ACTN3: variants seen among roughly 807,000 people sequenced by gnomAD.
ACTN3 encodes alpha-actinin-3.
Under a neutral mutation model 119.6 loss-of-function variants are expected in ACTN3, and 91 were observed. That is an observed-to-expected ratio of 0.76 (90% CI 0.64 to 0.91). The LOEUF is 0.91. ACTN3 is among the 40% of genes least tolerant of loss of function. The probability of loss-of-function intolerance (pLI) is 0.00; values close to 1 mark genes in which losing one functional copy is unlikely to be tolerated. For missense variants in ACTN3, 1,221 were observed against 1,215.1 expected (o/e 1.00, Z -0.07); for synonymous variants, 456 against 478.8 (o/e 0.95, Z 0.62).
At chr11:66,558,368 C>A in intron 11 of ACTN3, 194 bp downstream of exon 11, 2 of 285,036 alleles carry the variant, frequency 7.0e-6, no homozygotes, top group Non-Finnish European at 1.1e-5. Flanking sequence ...CACTGCCCCT[C>A]TGTGGACCAC....
At chr11:66,546,899 G>C (rs1446706366), upstream of ACTN3, 1 of 1,521,678 alleles carries the variant, frequency 6.6e-7, no homozygotes, top group African/African-American at 1.4e-5. Context: ...GGGTGTCCGA[G>C]AGCGTGCCGA....
chr11:66,559,420 C>CCCCCGG (rs761797515), intron 12 of ACTN3, 34 bp downstream of exon 12: 5 of 1,432,226 alleles, frequency 3.5e-6, no homozygotes, highest in South Asian at 1.5e-5. Context: ...GCCCCCAACA[C>CCCCCGG]CCCCGGCCCC....
At position 66,555,364 on chromosome 11, in the gene ACTN3, G is replaced by A. The variant is rs1248055016; in HGVS notation, c.715G>A (p.Glu239Lys). 3 of 1,614,116 alleles carry A rather than the reference G, an allele frequency of 1.9e-6. 1 individual carries two copies. The highest frequency in any genetic ancestry group is 2.2e-5 in the South Asian group (2 of 91,080). Residue 239 changes from glutamate (E) to lysine (K), a missense_variant, in exon 7 of 21, where the codon GAA becomes AAA. By Grantham distance (56) the Glu-to-Lys change is moderately conservative. Around this residue, in one of 3 missense-constraint regions of ACTN3, gnomAD observed 934 missense variants for 899.9 expected, o/e 1.04. Coordinates refer to ENST00000513398, the MANE Select transcript of ACTN3 (RefSeq NM_001104.4). Reference protein sequence around the residue: ...YLDIPKMLDAEDIVNTPKPDE... With the variant: ...YLDIPKMLDAKDIVNTPKPDE... ...GGACATCCCCAAGATGTTGGATGCAGAAGGTGAGAGTGAGCTAGCCCAGGG... is the reference window on the plus strand; with the variant it reads ...GGACATCCCCAAGATGTTGGATGCAAAAGGTGAGAGTGAGCTAGCCCAGGG...
chr11:66,562,210 C>T lies in ACTN3; in HGVS notation c.2322+42C>T, dbSNP rs775316948. Reference sequence around the variant, plus strand: ...CCCTGTGGGGTAAGACACTTGGGGGCTGGTGGAGGCTGGAGACCAAGCCTG... The same window carrying T: ...CCCTGTGGGGTAAGACACTTGGGGGTTGGTGGAGGCTGGAGACCAAGCCTG... On this transcript the variant is annotated intron_variant, in intron 18 of 20. Coordinates refer to ENST00000513398, the MANE Select transcript of ACTN3 (RefSeq NM_001104.4). The T allele has an allele frequency of 1.2e-5, 20 of 1,613,734 alleles. No individual in the cohort carries two copies. In the South Asian group the frequency reaches 2.2e-4, roughly 18 times the overall value.
In ACTN3 at chr11:66,560,060, G is replaced by T; in HGVS notation, c.1520G>T (p.Arg507Met). ...AACCTGGGCACCCTGACCCAGAAGAGGCGGGATGCGCTAGAGGTGGGGCTG... is the reference window on the plus strand; with the variant it reads ...AACCTGGGCACCCTGACCCAGAAGATGCGGGATGCGCTAGAGGTGGGGCTG... ...WDNLGTLTQK[R>M]RDALERMEKL... The change falls in exon 13 of 21, where the codon AGG becomes ATG. Residue 507 changes from arginine to methionine, a missense_variant. This residue lies in a region of ACTN3 where 934 missense variants were observed against 899.9 expected (regional missense o/e 1.04). Coordinates refer to ENST00000513398, the MANE Select transcript of ACTN3 (RefSeq NM_001104.4). 1 of 1,596,518 alleles carries T rather than the reference G, an allele frequency of 6.3e-7. No individual in the cohort carries two copies. Among genetic ancestry groups the T allele is most frequent in the Non-Finnish European group, 8.5e-7 (1 of 1,173,600 alleles).
Position 66,563,329 on chromosome 11 carries a change from TC to T in ACTN3, c.*140del. 8.9e-7 allele frequency: 1 copy of T among 1,126,784 alleles called. No individual in the cohort carries two copies. Among genetic ancestry groups the T allele is most frequent in the Non-Finnish European group, 1.2e-6 (1 of 832,024 alleles). The allele number at this position is 1,126,784 out of a possible 1,614,324, so 69.8% of individuals were successfully genotyped here. A position where few individuals can be genotyped will look rare whatever the true frequency, so the allele number is the denominator to read the frequency against. ...GAATAAAGATCCCTCTCTGGGTCTC[TC>T]CCCATCTCCTTTTAGTTCCTGAAGC... is the stretch of plus-strand genomic sequence containing the variant. On this transcript the variant is annotated 3_prime_UTR_variant, in exon 21 of 21. Coordinates refer to ENST00000513398, the MANE Select transcript of ACTN3 (RefSeq NM_001104.4).
intron 9 of ACTN3, 68 bp downstream of exon 9, chr11:66,557,293 C>A: frequency 7.0e-7 from 1 of 1,437,434 alleles, no homozygotes; most frequent in Non-Finnish European, 9.6e-7. Context: ...CTGCTAACCC[C>A]AAGCGTGGGC....
rs367692010 is a variant in ACTN3, at chr11:66,560,261, G to A, written c.1627G>A (p.Val543Met). Residue 543 changes from valine (V) to methionine (M), a missense_variant, in exon 14 of 21, where the codon GTG becomes ATG. Physicochemically the swap from Val to Met is conservative, Grantham distance 21. This residue lies in a region of ACTN3 where 934 missense variants were observed against 899.9 expected (regional missense o/e 1.04). Coordinates refer to ENST00000513398, the MANE Select transcript of ACTN3 (RefSeq NM_001104.4). Reference protein sequence around the residue: ...APFNNWLDGAVEDLQDVWLVH... With the variant: ...APFNNWLDGAMEDLQDVWLVH... ...CTTCAACAACTGGCTGGATGGTGCC[G>A]TGGAGGACCTGCAGGACGTGTGGCT... 8.0e-5 allele frequency: 129 copies of A among 1,613,154 alleles called. No individual in the cohort carries two copies. Among genetic ancestry groups the A allele is most frequent in the Non-Finnish European group, 6.9e-5 (81 of 1,179,660 alleles).
chr11:66,557,112 T>C (rs678397), intron 8 of ACTN3, 21 bp from the exon 9 acceptor site: 843,002 of 1,549,394 alleles, frequency 0.54, 233,977 homozygotes, highest in African/African-American at 0.8. Context: ...AATGCCAGCC[T>C]TCTGCCCACT....
In ACTN3 at chr11:66,560,560, C is replaced by G; in HGVS notation, c.1678-13C>G. 1 of 1,602,320 alleles carries G rather than the reference C, an allele frequency of 6.2e-7. No homozygotes were observed. The highest frequency in any genetic ancestry group is 1.1e-5 in the South Asian group (1 of 89,652). On this transcript the variant is annotated splice_polypyrimidine_tract_variant and intron_variant, in intron 14 of 20. Transcript: ENST00000513398. Reference sequence around the variant, plus strand: ...GGGGACACCAGCTGACACTTCCTGCCTGTCGTCCCCAGAGCCTGCTGACAG... The same window carrying G: ...GGGGACACCAGCTGACACTTCCTGCGTGTCGTCCCCAGAGCCTGCTGACAG...
In ACTN3 at chr11:66,560,331, G is replaced by A. The variant is rs764169578; in HGVS notation, c.1677+20G>A. ...ACCCAGGTGGGTGCCAGGGTTGCAG[G>A]GGATGGATAGGATGACAGGAAAGCT... On this transcript the variant is annotated intron_variant, in intron 14 of 20. Transcript: ENST00000513398. The A allele has an allele frequency of 1.2e-6, 2 of 1,605,206 alleles. No individual in the cohort carries two copies. The highest frequency in any genetic ancestry group is 1.7e-6 in the Non-Finnish European group (2 of 1,174,614).
chr11:66,562,299 C>G lies in ACTN3; in HGVS notation c.2365C>G (p.Leu789Val), dbSNP rs1012444011. The G allele has an allele frequency of 1.2e-6, 2 of 1,613,222 alleles. No homozygotes were observed. The highest frequency in any genetic ancestry group is 1.3e-5 in the African/African-American group (1 of 74,876). Residue 789 changes from leucine (L) to valine (V), a missense_variant, in exon 19 of 21, where the codon CTC (leucine) becomes GTC (valine). Leu to Val is a conservative substitution (Grantham distance 32). Around this residue, in one of 3 missense-constraint regions of ACTN3, gnomAD observed 934 missense variants for 899.9 expected, o/e 1.04. Coordinates refer to ENST00000513398, the MANE Select transcript of ACTN3 (RefSeq NM_001104.4). ...MMEPDDFRAC[L>V]ISMGYDLGEV... Reference sequence around the variant, plus strand: ...GGAGCCTGATGACTTCCGAGCTTGCCTCATCTCCATGGGCTATGACCTGGT... The same window carrying G: ...GGAGCCTGATGACTTCCGAGCTTGCGTCATCTCCATGGGCTATGACCTGGT...
chr11:66,551,626 C>T lies in ACTN3; in HGVS notation c.361C>T (p.Leu121=), dbSNP rs779581930. The change falls in exon 3 of 21, where the codon CTG becomes TTG. Residue 121 remains leucine (L), a synonymous_variant. Transcript: ENST00000513398. ...LDFIASKGVK[L]VSIGAEEIVD... The stretch of plus-strand genomic sequence containing the variant: ...CTTCATTGCCAGCAAGGGGGTTAAA[C>T]TGGTGTCCATTGGTGCTGAAGGTGA... 1 of 1,613,850 alleles carries T rather than the reference C, an allele frequency of 6.2e-7. No individual in the cohort carries two copies. The highest frequency in any genetic ancestry group is 8.5e-7 in the Non-Finnish European group (1 of 1,180,048).
rs1439866160 is a variant in ACTN3, at chr11:66,559,994, C to T, written c.1454C>T (p.Ser485Leu). The T allele has an allele frequency of 1.9e-6, 3 of 1,601,836 alleles. No individual in the cohort carries two copies. Among genetic ancestry groups the T allele is most frequent in the Non-Finnish European group, 2.6e-6 (3 of 1,175,852 alleles). ...GAGCTGGACTACCACGAGGCAGCCT[C>T]AGTGAATAGCCGCTGCCAGGCCATC... ...LNELDYHEAASVNSRCQAICD... is the reference protein window; with the variant it reads ...LNELDYHEAALVNSRCQAICD... The change falls in exon 13 of 21, where the codon TCA (serine) becomes TTA (leucine). Residue 485 changes from serine (S) to leucine (L), a missense_variant. Ser to Leu is a moderately radical substitution (Grantham distance 145). Coordinates refer to ENST00000513398, the MANE Select transcript of ACTN3 (RefSeq NM_001104.4).
At chr11:66,546,602 CTAT>C, upstream of ACTN3, 10 of 1,535,606 alleles carry the variant, frequency 6.5e-6, no homozygotes, top group Non-Finnish European at 8.7e-6. Flanking sequence ...CCCGCGGCCA[CTAT>C]TATTATCGGC....
Position 66,560,750 on chromosome 11 carries a change from G to A in ACTN3, c.1855G>A (p.Asp619Asn), listed in dbSNP as rs572962479. Residue 619 changes from aspartate to asparagine, a missense_variant, in exon 15 of 21, where the codon GAT becomes AAT. Asp to Asn is a conservative substitution (Grantham distance 23). This residue lies in a region of ACTN3 where 934 missense variants were observed against 899.9 expected (regional missense o/e 1.04). Transcript: ENST00000513398. ...CCCGCAGGACATCAACACCAAGTGGGATATGGTCAGTGCCACCTGCAGCCT... is the reference window on the plus strand; with the variant it reads ...CCCGCAGGACATCAACACCAAGTGGAATATGGTCAGTGCCACCTGCAGCCT... ...LSPQDINTKW[D>N]MVRKLVPSCD... 62 of 1,609,682 alleles carry A rather than the reference G, an allele frequency of 3.9e-5. No homozygotes were observed. The highest frequency in any genetic ancestry group is 3.7e-4 in the South Asian group (34 of 90,732).
At position 66,560,069 on chromosome 11, in the gene ACTN3, C is replaced by T. The variant is rs567923786; in HGVS notation, c.1529C>T (p.Ala510Val). The T allele has an allele frequency of 1.4e-5, 21 of 1,544,680 alleles. No homozygotes were observed. The highest frequency in any genetic ancestry group is 1.0e-4 in the East Asian group (4 of 40,162). The change falls in exon 13 of 21, where the codon GCG (alanine) becomes GTG (valine). Residue 510 changes from alanine (A) to valine (V), a missense_variant. Coordinates refer to ENST00000513398, the MANE Select transcript of ACTN3 (RefSeq NM_001104.4). ...ACCCTGACCCAGAAGAGGCGGGATG[C>T]GCTAGAGGTGGGGCTGGGGGCCGGG... is the stretch of plus-strand genomic sequence containing the variant. ...LGTLTQKRRD[A>V]LERMEKLLET...
At chr11:66,557,606 T>C in intron 9 of ACTN3, 93 bp from the exon 10 acceptor site, 1 of 1,367,232 alleles carries the variant, frequency 7.3e-7, no homozygotes, top group Non-Finnish European at 1.0e-6. Context: ...CCACCTACAC[T>C]CTGGCCACAG....
At position 66,553,868 on chromosome 11, in the gene ACTN3, A is replaced by G. The variant is rs180836022; in HGVS notation, c.383-177A>G. Among the ~76,000 whole-genome samples the G allele has an allele frequency of 3.6e-3, 551 of 151,336 alleles. 4 individuals carry two copies. The highest frequency in any genetic ancestry group is 0.013 in the African/African-American group (520 of 41,304). ...GACTCCATCTCAAAAAAAAAAAAAA[A>G]AAAGAAAAAGAAAAAGAGATGCTTA... On this transcript the variant is annotated intron_variant, in intron 3 of 20. Coordinates refer to ENST00000513398, the MANE Select transcript of ACTN3 (RefSeq NM_001104.4).
Sources: gnomAD v4.1 joint callset for allele counts (sites outside exome capture counted in the v4.1 genomes callset) on GRCh38, gnomAD v4.1.1 for gene constraint, gnomAD v4.1.1 regional missense constraint, MANE v1.5 for transcripts, NCBI Gene and HGNC (gene_info 2026-07-23, HGNC 2026-07-21) for gene names.